LOXL2: variants seen among roughly 807,000 people sequenced by gnomAD.
The protein encoded by LOXL2 is lysyl oxidase like 2.
In LOXL2, 70 loss-of-function variants were observed where a neutral mutation model predicts 93.0. The ratio of observed to expected loss-of-function variants is 0.75; its 90% CI spans 0.62 to 0.92. LOXL2 has a LOEUF of 0.92. Ranked by LOEUF, LOXL2 falls within the 40% of genes least tolerant of loss-of-function variation. The probability of loss-of-function intolerance (pLI) is 0.00; values close to 1 mark genes in which losing one functional copy is unlikely to be tolerated. For synonymous variants in LOXL2, 438 were observed against 413.2 expected (o/e 1.06, Z -0.73); for missense variants, 973 against 1,054.9 (o/e 0.92, Z 1.08).
At chr8:23,315,401 C>G (rs758008078) in intron 9 of LOXL2, among the ~76,000 whole-genome samples, 10 of 152,168 alleles carry the variant, frequency 6.6e-5, no homozygotes, top group Non-Finnish European at 1.5e-4. Context: ...GAGCTGTGTT[C>G]CTGGCCCCAA....
intron 1 of LOXL2, among the ~76,000 whole-genome samples, chr8:23,377,723 T>C (rs1804616163): frequency 6.6e-6 from 1 of 152,170 alleles, no homozygotes; most frequent in African/African-American, 2.4e-5. Context: ...TGATCTTTGT[T>C]GGTTTAAAGT....
chr8:23,375,429 G>T, intron 1 of LOXL2, among the ~76,000 whole-genome samples: 1 of 152,020 alleles, frequency 6.6e-6, no homozygotes, highest in African/African-American at 2.4e-5. Flanking sequence ...GGCAATGCAG[G>T]CTCTTTTTTG....
chr8:23,311,832 TATG>T (rs1425032994), intron 9 of LOXL2, among the ~76,000 whole-genome samples: 4 of 152,154 alleles, frequency 2.6e-5, no homozygotes, highest in Non-Finnish European at 1.5e-5. Context: ...TGGCAGGAGA[TATG>T]ATGGGAATTG....
At chr8:23,304,982 G>A (rs2098156115) in intron 10 of LOXL2, among the ~76,000 whole-genome samples, 1 of 152,158 alleles carries the variant, frequency 6.6e-6, no homozygotes, top group African/African-American at 2.4e-5. Flanking sequence ...GCTAAGTTGG[G>A]CTTCCCTCGG....
chr8:23,373,389 G>A (rs1374875935), intron 1 of LOXL2, among the ~76,000 whole-genome samples: 5 of 152,174 alleles, frequency 3.3e-5, no homozygotes, highest in African/African-American at 9.7e-5. Flanking sequence ...AGGCTGAAGT[G>A]CAGTGGCGTG....
chr8:23,306,487 C>G (rs937269570), intron 10 of LOXL2, among the ~76,000 whole-genome samples: 1 of 152,258 alleles, frequency 6.6e-6, no homozygotes, highest in East Asian at 1.9e-4. Flanking sequence ...CCCCCATCCC[C>G]CTGTGCCAGG....
intron 9 of LOXL2, among the ~76,000 whole-genome samples, chr8:23,316,349 G>C (rs375985182): frequency 6.6e-6 from 1 of 152,170 alleles, no homozygotes; most frequent in Non-Finnish European, 1.5e-5. Context: ...CTGCGTGTGG[G>C]TTTATATTAC....
chr8:23,311,668 T>C (rs1389824832), intron 9 of LOXL2, among the ~76,000 whole-genome samples: 1 of 152,200 alleles, frequency 6.6e-6, no homozygotes, highest in Non-Finnish European at 1.5e-5. Context: ...GCAGAACTCC[T>C]AGGTGGCATC....
chr8:23,381,095 CT>C (rs55908148), intron 1 of LOXL2, among the ~76,000 whole-genome samples: 40 of 145,090 alleles, frequency 2.8e-4, no homozygotes, highest in Non-Finnish European at 3.0e-4. Context: ...CCTCTCCAGT[CT>C]TTTTTTTTTT....
intron 6 of LOXL2, among the ~76,000 whole-genome samples, chr8:23,326,410 G>C (rs962405643): frequency 6.6e-6 from 1 of 152,132 alleles, no homozygotes; most frequent in South Asian, 2.1e-4. Flanking sequence ...GGCCCTTGGA[G>C]AGCACAAACC....
chr8:23,310,009 C>G, intron 9 of LOXL2, 98 bp from the exon 10 acceptor site: 1 of 1,308,042 alleles, frequency 7.6e-7, no homozygotes, highest in Non-Finnish European at 1.0e-6. Flanking sequence ...CTCCTGCCTA[C>G]CGCCACCTTC....
Position 23,328,520 on chromosome 8 carries a change from G to A in LOXL2, c.1012C>T (p.Arg338Cys), listed in dbSNP as rs1427621921. The change falls in exon 6 of 14, where the codon CGC becomes TGC. Residue 338 changes from arginine (R) to cysteine (C), a missense_variant. By Grantham distance (180) the Arg-to-Cys change is radical (BLOSUM62 -3). Coordinates refer to ENST00000389131, the MANE Select transcript of LOXL2 (RefSeq NM_002318.3). ...TCTCCATTTTTGAGCACCTCCACGC[G>A]GCCCTCCCCGATGTAGGCACCGCCT... ...LRGGAYIGEG[R>C]VEVLKNGEWG... 24 of 1,614,020 alleles carry A rather than the reference G, an allele frequency of 1.5e-5. No homozygotes were observed. The highest frequency in any genetic ancestry group is 1.9e-5 in the Non-Finnish European group (23 of 1,180,014).
chr8:23,322,014 G>A (rs762881089), intron 7 of LOXL2, 116 bp downstream of exon 7: 41 of 1,151,996 alleles, frequency 3.6e-5, no homozygotes, highest in Non-Finnish European at 4.7e-5. Flanking sequence ...AAGTGGCAAT[G>A]TCTGCAGCAG....
At chr8:23,383,666 T>TG (rs1563208244) in intron 1 of LOXL2, among the ~76,000 whole-genome samples, 15 of 59,898 alleles carry the variant, frequency 2.5e-4, no homozygotes, top group East Asian at 1.1e-3. Context: ...TGTTTTTTTT[T>TG]TTTTTTTTTT....
chr8:23,394,253 T>C (rs1800058192), intron 1 of LOXL2, among the ~76,000 whole-genome samples: 2 of 151,888 alleles, frequency 1.3e-5, no homozygotes, highest in African/African-American at 4.8e-5. Context: ...ATTAGTCAGA[T>C]ACGGTAGCGC....
At chr8:23,386,550 T>G (rs138785506) in intron 1 of LOXL2, among the ~76,000 whole-genome samples, 417 of 152,306 alleles carry the variant, frequency 2.7e-3, no homozygotes, top group Non-Finnish European at 5.0e-3. Context: ...CCTGTTCTAT[T>G]AGTCCTTGCT....
At chr8:23,364,330 G>A (rs549400427) in intron 2 of LOXL2, 1 of 152,304 alleles carries the variant, frequency 6.6e-6, no homozygotes, top group African/African-American at 2.4e-5. Context: ...GTGTCCTTGG[G>A]ACACAAGATG....
At chr8:23,321,966 G>T in intron 7 of LOXL2, 164 bp downstream of exon 7, 1 of 757,556 alleles carries the variant, frequency 1.3e-6, no homozygotes, top group Non-Finnish European at 2.1e-6. Flanking sequence ...CCAGGGCCAG[G>T]CCCGAGGTTC....
chr8:23,340,687 C>A (rs1477406172), intron 4 of LOXL2, among the ~76,000 whole-genome samples: 3 of 152,192 alleles, frequency 2.0e-5, no homozygotes, highest in Non-Finnish European at 4.4e-5. Context: ...GCACCCTGAG[C>A]TGGGGTTCTC....
Sources: allele counts gnomAD v4.1 joint callset (sites outside exome capture counted in the v4.1 genomes callset), GRCh38; gene constraint gnomAD v4.1.1; transcripts MANE v1.5; gene names NCBI Gene and HGNC (gene_info 2026-07-23, HGNC 2026-07-21).